Variants in TYW1B observed in about 807,000 individuals in gnomAD.
The protein encoded by TYW1B is S-adenosyl-L-methionine-dependent tRNA 4-demethylwyosine synthase TYW1B.
Under a neutral mutation model 86.9 loss-of-function variants are expected in TYW1B, and 73 were observed. The ratio of observed to expected loss-of-function variants is 0.84; its 90% CI spans 0.70 to 1.02. The LOEUF (loss-of-function observed/expected upper bound fraction) is 1.02. Among genes scored for constraint, TYW1B ranks in the 50% least tolerant of loss-of-function variants. The probability of loss-of-function intolerance (pLI) is 0.00; values close to 1 mark genes in which losing one functional copy is unlikely to be tolerated. For synonymous variants in TYW1B, 248 were observed against 292.8 expected (o/e 0.85, Z 1.56); for missense variants, 637 against 827.4 (o/e 0.77, Z 2.82).
chr7:72,666,465 T>A (rs1554445271), intron 11 of TYW1B, among the ~76,000 whole-genome samples: 2 of 152,026 alleles, frequency 1.3e-5, no homozygotes, highest in Middle Eastern at 3.4e-3. Flanking sequence ...AATGATAAGC[T>A]AAATACTATA....
chr7:72,687,293 G>A (rs2129570098), intron 11 of TYW1B, among the ~76,000 whole-genome samples: 1 of 152,204 alleles, frequency 6.6e-6, no homozygotes, highest in South Asian at 2.1e-4. Flanking sequence ...AAATTAGCTG[G>A]GCATGGTGGT....
Position 72,827,033 on chromosome 7 carries a change from T to A in TYW1B, c.5-48A>T, listed in dbSNP as rs782723211. 149 of 1,556,830 alleles carry A rather than the reference T, an allele frequency of 9.6e-5. No individual in the cohort carries two copies. Among genetic ancestry groups the A allele is most frequent in the Middle Eastern group, 1.7e-4 (1 of 5,836 alleles). The stretch of plus-strand genomic sequence containing the variant: ...AGATAATTTCATTTAAAGCTACATA[T>A]ACAAAGATATCCTTCCCGATTTTAA... On this transcript the variant is annotated intron_variant, in intron 1 of 13. Transcript: ENST00000620995.
At position 72,648,846 on chromosome 7, in the gene TYW1B, G is replaced by A. The variant is rs116618825; in HGVS notation, c.1507-19849C>T. ...GATGAGTGCAAGAAAGCTGAGAGGC[G>A]CAAGATGCACACAGAAGAGGCTCAG... On this transcript the variant is annotated intron_variant, in intron 11 of 13. Transcript: ENST00000620995. Among the ~76,000 whole-genome samples the A allele has an allele frequency of 4.1e-3, 627 of 152,254 alleles. 5 individuals are homozygous for A. The highest frequency in any genetic ancestry group is 0.014 in the African/African-American group (592 of 41,556).
chr7:72,751,828 G>C (rs1554465118), intron 7 of TYW1B, among the ~76,000 whole-genome samples: 1 of 152,172 alleles, frequency 6.6e-6, no homozygotes, highest in Admixed American at 6.5e-5. Context: ...TATGTGCTAT[G>C]GTTCCAATGG....
chr7:72,815,137 C>T (rs1326931564), intron 3 of TYW1B, among the ~76,000 whole-genome samples: 3 of 151,432 alleles, frequency 2.0e-5, no homozygotes, highest in African/African-American at 4.9e-5. Flanking sequence ...AGCTTTCTCA[C>T]CTCTAGTCCT....
At chr7:72,612,120 G>T (rs1364906634) in intron 13 of TYW1B, among the ~76,000 whole-genome samples, 4 of 151,394 alleles carry the variant, frequency 2.6e-5, no homozygotes, top group African/African-American at 9.7e-5. Context: ...CTTTAAATAT[G>T]TTACTTTTAA....
At chr7:72,638,366 T>C (rs1182063999) in intron 11 of TYW1B, among the ~76,000 whole-genome samples, 1 of 152,212 alleles carries the variant, frequency 6.6e-6, no homozygotes, top group African/African-American at 2.4e-5. Flanking sequence ...TGATTCAACA[T>C]TTGAAAATCA....
At chr7:72,642,987 G>A (rs180907439) in intron 11 of TYW1B, among the ~76,000 whole-genome samples, 33 of 152,196 alleles carry the variant, frequency 2.2e-4, no homozygotes, top group African/African-American at 7.0e-4. Flanking sequence ...AGACACTATT[G>A]GAAGTTCTGA....
At chr7:72,662,143 G>A (rs1307474479) in intron 11 of TYW1B, among the ~76,000 whole-genome samples, 13 of 152,244 alleles carry the variant, frequency 8.5e-5, no homozygotes, top group South Asian at 6.2e-4. Context: ...TGTTTTTCAG[G>A]GTCTACCAGA....
At chr7:72,678,740 C>T (rs369981240) in intron 11 of TYW1B, among the ~76,000 whole-genome samples, 22 of 150,574 alleles carry the variant, frequency 1.5e-4, no homozygotes, top group African/African-American at 5.1e-4. Context: ...CGGGGTTTCA[C>T]CATGTTGGTC....
intron 3 of TYW1B, among the ~76,000 whole-genome samples, chr7:72,814,390 C>T (rs1356111841): frequency 3.3e-5 from 5 of 151,902 alleles, no homozygotes; most frequent in Non-Finnish European, 7.4e-5. Context: ...CGAGACCATC[C>T]TGGCTAACAC....
At chr7:72,823,500 G>A (rs564567789) in intron 2 of TYW1B, among the ~76,000 whole-genome samples, 1 of 151,796 alleles carries the variant, frequency 6.6e-6, no homozygotes, top group Non-Finnish European at 1.5e-5. Flanking sequence ...GGCGCCTATA[G>A]TCCCAGCTAC....
chr7:72,784,773 C>G (rs782159512), intron 6 of TYW1B, among the ~76,000 whole-genome samples: 1 of 152,198 alleles, frequency 6.6e-6, no homozygotes, highest in Non-Finnish European at 1.5e-5. Context: ...ACTGGGATTA[C>G]AGGCATAAGC....
At chr7:72,731,709 T>C (rs1254407693) in intron 8 of TYW1B, among the ~76,000 whole-genome samples, 1 of 152,042 alleles carries the variant, frequency 6.6e-6, no homozygotes, top group African/African-American at 2.4e-5. Context: ...TTTGGGAGGC[T>C]GAGGCAGGGG....
At chr7:72,629,829 C>T (rs1812440404) in intron 11 of TYW1B, among the ~76,000 whole-genome samples, 1 of 151,782 alleles carries the variant, frequency 6.6e-6, no homozygotes, top group Non-Finnish European at 1.5e-5. Flanking sequence ...ATTATAGGCG[C>T]ACACCGAGCC....
chr7:72,733,199 C>CACACACA (rs60290034), intron 8 of TYW1B, among the ~76,000 whole-genome samples: 2 of 139,912 alleles, frequency 1.4e-5, no homozygotes, highest in South Asian at 4.6e-4. Context: ...CACACACACA[C>CACACACA]CTCTCACACT....
intron 9 of TYW1B, chr7:72,723,020 G>A (rs1451961120): frequency 1.2e-5 from 9 of 735,684 alleles, no homozygotes; most frequent in East Asian, 2.7e-5. Context: ...CCGCCACCTC[G>A]AAAAGGGCCC....
intron 12 of TYW1B, among the ~76,000 whole-genome samples, chr7:72,622,774 CGCACACAAAACACACATGCAT>C (rs1585855417): frequency 1.3e-5 from 2 of 151,514 alleles, no homozygotes; most frequent in East Asian, 3.9e-4. Flanking sequence ...CACACATGCA[CGCACACAAAACACACATGCAT>C]AACACACACA....
rs1426822867 is a variant in TYW1B, at chr7:72,632,446, A to G, written c.1507-3449T>C. On this transcript the variant is annotated intron_variant, in intron 11 of 13. Coordinates refer to ENST00000620995, the MANE Select transcript of TYW1B (RefSeq NM_001145440.3). ...ATAAAATATATATATACGTATATAT[A>G]TAAAATATATATATACATATATATA... 1.3e-4 allele frequency among the ~76,000 whole-genome samples: 12 copies of G among 93,934 alleles called. No individual in the cohort carries two copies. The East Asian group carries it at 2.3e-3, about 18-fold the overall frequency. 61.6% of individuals were successfully genotyped at this position (93,934 alleles called of 152,430 possible).
Sources: allele counts gnomAD v4.1 joint callset (sites outside exome capture counted in the v4.1 genomes callset), GRCh38; gene constraint gnomAD v4.1.1; transcripts MANE v1.5; gene names NCBI Gene and HGNC (gene_info 2026-07-23, HGNC 2026-07-21).